Variants in ZNF462 observed in about 807,000 individuals in gnomAD.
ZNF462 encodes the protein zinc finger PBX1-interacting protein.
A neutral mutation model predicts 201.9 loss-of-function variants in ZNF462; 10 were observed. That is an observed-to-expected ratio of 0.05 (90% CI 0.03 to 0.08). The LOEUF (loss-of-function observed/expected upper bound fraction) is 0.08, where lower values mean the gene tolerates loss of function less well. Among genes scored for constraint, ZNF462 ranks in the 10% least tolerant of loss-of-function variants. The probability of loss-of-function intolerance (pLI) is 1.00; values close to 1 mark genes in which losing one functional copy is unlikely to be tolerated. For missense variants in ZNF462, 2,523 were observed against 3,168.3 expected (o/e 0.80, Z 4.89); for synonymous variants, 1,227 against 1,193.3 (o/e 1.03, Z -0.58).
intron 9 of ZNF462, among the ~76,000 whole-genome samples, chr9:106,982,379 A>G (rs1827502307): frequency 6.6e-6 from 1 of 152,182 alleles, no homozygotes; most frequent in African/African-American, 2.4e-5. Context: ...ACAAGGAATT[A>G]TCCTGTCCCA....
At chr9:106,891,712 A>T (rs1398947396) in intron 1 of ZNF462, among the ~76,000 whole-genome samples, 1 of 152,166 alleles carries the variant, frequency 6.6e-6, no homozygotes, top group African/African-American at 2.4e-5. Context: ...TTGATTATAG[A>T]AAAGGTGACG....
rs997694349 is a variant in ZNF462, at chr9:107,009,306, G to A, written c.7190-239G>A. The stretch of plus-strand genomic sequence containing the variant: ...GAAAGACCCAGATTTTGTGATAGAA[G>A]CATTGGGGAGGTGAGGCGAAATGAG... On this transcript the variant is annotated intron_variant, in intron 11 of 12. Coordinates refer to ENST00000277225, the MANE Select transcript of ZNF462 (RefSeq NM_021224.6). The surrounding 1 kb of genome is among the most constrained non-coding windows in gnomAD (Gnocchi z 6.1). The A allele has an allele frequency of 6.1e-6, 3 of 489,828 alleles. No homozygotes were observed. Among genetic ancestry groups the A allele is most frequent in the African/African-American group, 1.9e-5 (1 of 51,978 alleles). The allele number at this position is 489,828 out of a possible 1,614,324, so 30.3% of individuals were successfully genotyped here.
intron 1 of ZNF462, among the ~76,000 whole-genome samples, chr9:106,904,943 G>T (rs1166522534): frequency 6.6e-6 from 1 of 152,076 alleles, no homozygotes; most frequent in Admixed American, 6.5e-5. Context: ...TCTTGGTTTG[G>T]ATCCATTGCT....
chr9:106,953,442 C>A (rs774840694), intron 7 of ZNF462, among the ~76,000 whole-genome samples: 1 of 152,102 alleles, frequency 6.6e-6, no homozygotes, highest in Non-Finnish European at 1.5e-5. Context: ...TCTGCTCTTG[C>A]CTCATCCTTC....
intron 1 of ZNF462, among the ~76,000 whole-genome samples, chr9:106,896,951 A>C (rs534270522): frequency 6.6e-6 from 1 of 152,182 alleles, no homozygotes; most frequent in Non-Finnish European, 1.5e-5. Flanking sequence ...CATTCCCTAA[A>C]ATGTGGGCTG....
chr9:106,882,295 T>C (rs551209240), intron 1 of ZNF462, among the ~76,000 whole-genome samples: 43 of 152,326 alleles, frequency 2.8e-4, no homozygotes, highest in South Asian at 6.2e-4. Context: ...AGTCAAAATG[T>C]ATGGAGTCTG....
intron 6 of ZNF462, among the ~76,000 whole-genome samples, chr9:106,937,729 CTTTTAT>C (rs1279797787): frequency 2.0e-5 from 3 of 151,810 alleles, no homozygotes; most frequent in Non-Finnish European, 2.9e-5. Flanking sequence ...TTTGTATTTA[CTTTTAT>C]TTTTATGTTA....
chr9:106,927,781 C>T lies in ZNF462; in HGVS notation c.3869C>T (p.Ala1290Val), dbSNP rs773032834. ...AAGCATATCAAGAAAGACCACCCCG[C>T]CCTGAAAGCCACAGTCACGTCCATC... ...LRKHIKKDHP[A>V]LKATVTSIMR... Residue 1290 changes from alanine (A) to valine (V), a missense_variant, in exon 3 of 13, where the codon GCC (alanine) becomes GTC (valine). By Grantham distance (64) the Ala-to-Val change is moderately conservative. This residue lies in a region of ZNF462 where 222 missense variants were observed against 271.6 expected (regional missense o/e 0.82). Coordinates refer to ENST00000277225, the MANE Select transcript of ZNF462 (RefSeq NM_021224.6). 1 of 1,614,156 alleles carries T rather than the reference C, an allele frequency of 6.2e-7. No individual in the cohort carries two copies. The highest frequency in any genetic ancestry group is 8.5e-7 in the Non-Finnish European group (1 of 1,180,040).
chr9:106,943,059 C>CGCGCGCGCGTGTGT (rs374167214), intron 7 of ZNF462, among the ~76,000 whole-genome samples: 12 of 143,154 alleles, frequency 8.4e-5, no homozygotes, highest in African/African-American at 3.2e-4. Context: ...TTTGCGCGCG[C>CGCGCGCGCGTGTGT]GTGTGTGTGT....
In ZNF462 at chr9:106,913,544, G is replaced by T. The variant is rs961229663; in HGVS notation, c.-30-9810G>T. Among the ~76,000 whole-genome samples the T allele has an allele frequency of 6.6e-5, 10 of 152,184 alleles. No individual in the cohort carries two copies. The highest frequency in any genetic ancestry group is 2.4e-4 in the African/African-American group (10 of 41,526). ...GAAGATGATTTTACACATTGGAGAG[G>T]AGAACATATGCATTGTTTTTCACAG... On this transcript the variant is annotated intron_variant, in intron 1 of 12. Transcript: ENST00000277225. This position sits in a 1 kb window ranked among gnomAD's most constrained non-coding sequence, Gnocchi z 4.1.
At position 106,894,898 on chromosome 9, in the gene ZNF462, A is replaced by G. The variant is rs186208817; in HGVS notation, c.-30-28456A>G. ...TTAAGATAATATTTTTGGATATATT[A>G]GGCTATGTGGACTGTGTTATTGAAG... On this transcript the variant is annotated intron_variant, in intron 1 of 12. Transcript: ENST00000277225. Among the ~76,000 whole-genome samples the G allele has an allele frequency of 3.4e-3, 514 of 152,310 alleles. 9 individuals are homozygous for G. Among genetic ancestry groups the G allele is most frequent in the Admixed American group, 0.029 (443 of 15,298 alleles).
chr9:106,922,820 CA>C (rs1287673773), intron 1 of ZNF462, among the ~76,000 whole-genome samples: 5 of 152,120 alleles, frequency 3.3e-5, no homozygotes. Flanking sequence ...AGAAAAGCTA[CA>C]ATAAAAATGC....
intron 1 of ZNF462, among the ~76,000 whole-genome samples, chr9:106,908,924 TATATATATATATATA>T (rs1564090709): frequency 3.2e-5 from 1 of 31,740 alleles, no homozygotes; most frequent in Non-Finnish European, 5.8e-5. Context: ...TATATATATA[TATATATATATATATA>T]TATTTTTTTT....
chr9:106,884,411 G>A (rs1828230317), intron 1 of ZNF462, among the ~76,000 whole-genome samples: 2 of 152,088 alleles, frequency 1.3e-5, no homozygotes, highest in African/African-American at 4.8e-5. Flanking sequence ...TAGGAATTTA[G>A]TACCTTCAGA....
rs550620486 is a variant in ZNF462, at chr9:106,866,342, A to G, written c.-31+2987A>G. 9.3e-4 allele frequency among the ~76,000 whole-genome samples: 141 copies of G among 152,312 alleles called. 1 individual carries two copies. Among genetic ancestry groups the G allele is most frequent in the African/African-American group, 3.2e-3 (135 of 41,568 alleles). On this transcript the variant is annotated intron_variant, in intron 1 of 12. Transcript: ENST00000277225. ...AATTATATTCTGTTGAGTAGCTGGT[A>G]GCACTGTCACTCAGTAAATGCACAG...
In ZNF462 at chr9:107,006,205, T is replaced by C. The variant is rs1829530747; in HGVS notation, c.7189+2779T>C. Among the ~76,000 whole-genome samples the C allele has an allele frequency of 6.6e-6, 1 of 152,202 alleles. No individual in the cohort carries two copies. Among genetic ancestry groups the C allele is most frequent in the Non-Finnish European group, 1.5e-5 (1 of 68,034 alleles). ...GGGTTGTTGTAAAGATTAAATGAGATAACACAGAAGACCTTCACCCAGTTC... is the reference window on the plus strand; with the variant it reads ...GGGTTGTTGTAAAGATTAAATGAGACAACACAGAAGACCTTCACCCAGTTC... On this transcript the variant is annotated intron_variant, in intron 11 of 12. Transcript: ENST00000277225. This position sits in a 1 kb window ranked among gnomAD's most constrained non-coding sequence, Gnocchi z 4.3.
At chr9:106,960,625 A>G (rs1304840058) in intron 7 of ZNF462, among the ~76,000 whole-genome samples, 1 of 152,134 alleles carries the variant, frequency 6.6e-6, no homozygotes, top group African/African-American at 2.4e-5. Context: ...TCAATTAACA[A>G]TGGCAGATGC....
At chr9:106,976,342 T>C (rs1564145799) in intron 9 of ZNF462, 1 of 152,228 alleles carries the variant, frequency 6.6e-6, no homozygotes, top group Non-Finnish European at 1.5e-5. Context: ...GTTAGACTTT[T>C]TTGAACTGTC....
chr9:106,926,778 G>A lies in ZNF462; in HGVS notation c.2866G>A (p.Ala956Thr), dbSNP rs747387906. 8 of 1,614,108 alleles carry A rather than the reference G, an allele frequency of 5.0e-6. No homozygotes were observed. The highest frequency in any genetic ancestry group is 2.2e-5 in the South Asian group (2 of 91,074). Residue 956 changes from alanine (A) to threonine (T), a missense_variant, in exon 3 of 13, where the codon GCG (alanine) becomes ACG (threonine). Around this residue, in one of 15 missense-constraint regions of ZNF462, gnomAD observed 280 missense variants for 321.3 expected, o/e 0.87. Transcript: ENST00000277225. The surrounding 1 kb of genome is among the most constrained non-coding windows in gnomAD (Gnocchi z 7.9). Reference protein sequence around the residue: ...RMHPTVKINNAMIFSSYVVEQ... With the variant: ...RMHPTVKINNTMIFSSYVVEQ... The stretch of plus-strand genomic sequence containing the variant: ...GCATCCCACGGTGAAGATCAACAAC[G>A]CGATGATATTTTCAAGCTATGTCGT...
Sources: allele counts gnomAD v4.1 joint callset (sites outside exome capture counted in the v4.1 genomes callset), GRCh38; gene constraint gnomAD v4.1.1; regional missense constraint gnomAD v4.1.1; non-coding constraint Gnocchi (gnomAD v3.1); transcripts MANE v1.5; gene names NCBI Gene and HGNC (gene_info 2026-07-23, HGNC 2026-07-21).